GALNT18: variants seen among roughly 807,000 people sequenced by gnomAD.
GALNT18 encodes the protein GalNAc-transferase 18.
In GALNT18, 44 loss-of-function variants were observed where a neutral mutation model predicts 69.5. The observed-to-expected ratio is 0.63, with a 90% CI of 0.50 to 0.81. The LOEUF is 0.81. Among genes scored for constraint, GALNT18 ranks in the 40% least tolerant of loss-of-function variants. GALNT18 has a pLI of 0.00. For synonymous variants in GALNT18, 364 were observed against 318.2 expected (o/e 1.14, Z -1.53); for missense variants, 715 against 810.0 (o/e 0.88, Z 1.42).
At chr11:11,481,603 C>T (rs1012452441) in intron 1 of GALNT18, among the ~76,000 whole-genome samples, 11 of 152,158 alleles carry the variant, frequency 7.2e-5, no homozygotes, top group African/African-American at 2.7e-4. Context: ...GAGGGCAGGA[C>T]TGTGAGTTTC....
chr11:11,312,159 T>G (rs1251530685), intron 9 of GALNT18, among the ~76,000 whole-genome samples: 1 of 151,054 alleles, frequency 6.6e-6, no homozygotes, highest in Non-Finnish European at 1.5e-5. Context: ...GGTCTCACTG[T>G]GTTAGCCAGA....
In GALNT18 at chr11:11,293,205, G is replaced by T. The variant is rs769569442; in HGVS notation, c.1513-12C>A. 3 of 1,317,800 alleles carry T rather than the reference G, an allele frequency of 2.3e-6. No homozygotes were observed. In the South Asian group the frequency reaches 9.0e-5, roughly 39 times the overall value. 81.6% of individuals were successfully genotyped at this position (1,317,800 alleles called of 1,614,324 possible). A position where few individuals can be genotyped will look rare whatever the true frequency, so the allele number is the denominator to read the frequency against. ...GTGTAGTACACGTTCTGGGGGCGGA[G>T]GGAGGGAGAGAGTGTGGATAAATGC... On this transcript the variant is annotated splice_polypyrimidine_tract_variant and intron_variant, in intron 9 of 10. Transcript: ENST00000227756.
chr11:11,553,851 T>C lies in GALNT18; in HGVS notation c.235+67508A>G, dbSNP rs562002996. 9.7e-4 allele frequency among the ~76,000 whole-genome samples: 147 copies of C among 152,256 alleles called. 5 individuals are homozygous for C. In the South Asian group the frequency reaches 0.03, roughly 31 times the overall value. On this transcript the variant is annotated intron_variant, in intron 1 of 10. Coordinates refer to ENST00000227756, the MANE Select transcript of GALNT18 (RefSeq NM_198516.3). ...TGTCCCTGATTGCAAGTCCACAGTG[T>C]AGCTGAGAAATCCATTTAACTCTTA...
intron 1 of GALNT18, among the ~76,000 whole-genome samples, chr11:11,508,653 G>T (rs1857114258): frequency 6.6e-6 from 1 of 152,170 alleles, no homozygotes; most frequent in African/African-American, 2.4e-5. Context: ...GAAGACAGAG[G>T]CATGGTCTTC....
rs906338838 is a variant in GALNT18 at position 11,404,683 on chromosome 11, T to C, written c.596-25419A>G. Among the ~76,000 whole-genome samples, 4 of 152,084 alleles carry C rather than the reference T, an allele frequency of 2.6e-5. No homozygotes were observed. Among genetic ancestry groups the C allele is most frequent in the Non-Finnish European group, 5.9e-5 (4 of 68,020 alleles). On this transcript the variant is annotated intron_variant, in intron 3 of 10. Coordinates refer to ENST00000227756, the MANE Select transcript of GALNT18 (RefSeq NM_198516.3). The surrounding 1 kb of genome is among the most constrained non-coding windows in gnomAD (Gnocchi z 4.5). ...TCTCATTCAAATGGGACTCTCTCTGTCTCAACTCTCATTTCAACCTAACTC... is the reference window on the plus strand; with the variant it reads ...TCTCATTCAAATGGGACTCTCTCTGCCTCAACTCTCATTTCAACCTAACTC...
intron 1 of GALNT18, among the ~76,000 whole-genome samples, chr11:11,477,116 T>G (rs1177222046): frequency 2.6e-5 from 4 of 152,198 alleles, no homozygotes; most frequent in Admixed American, 2.0e-4. Flanking sequence ...CATCTGTGCC[T>G]GACTCATAGT....
At chr11:11,327,709 G>A (rs1019954342) in intron 8 of GALNT18, among the ~76,000 whole-genome samples, 1 of 152,218 alleles carries the variant, frequency 6.6e-6, no homozygotes, top group Non-Finnish European at 1.5e-5. Flanking sequence ...AGAGGAGGGG[G>A]CCAGGGTGGG....
In GALNT18 at chr11:11,377,053, C is replaced by T. The variant is rs1853778886; in HGVS notation, c.977+129G>A. 5.2e-6 allele frequency: 4 copies of T among 762,546 alleles called. No individual in the cohort carries two copies. In the South Asian group the frequency reaches 7.0e-5, roughly 13 times the overall value. 47.2% of individuals were successfully genotyped at this position (762,546 alleles called of 1,614,324 possible). On this transcript the variant is annotated intron_variant, in intron 5 of 10. Transcript: ENST00000227756. The surrounding 1 kb of genome is among the most constrained non-coding windows in gnomAD (Gnocchi z 4.6). ...AGTGACTGAAGATCAGACTGCAGTT[C>T]CTTTCGACCCTGCCCACCCCTGTCA...
chr11:11,597,293 C>CA (rs1372407344), intron 1 of GALNT18, among the ~76,000 whole-genome samples: 1 of 152,170 alleles, frequency 6.6e-6, no homozygotes, highest in African/African-American at 2.4e-5. Context: ...ATCAGGGTTA[C>CA]ACTGGCTTCA....
intron 1 of GALNT18, among the ~76,000 whole-genome samples, chr11:11,558,623 C>G (rs1028552587): frequency 6.6e-6 from 1 of 152,224 alleles, no homozygotes; most frequent in East Asian, 1.9e-4. Flanking sequence ...CCAGCCCAGG[C>G]TCAGAGTTTC....
intron 1 of GALNT18, among the ~76,000 whole-genome samples, chr11:11,478,916 G>A (rs758374190): frequency 2.5e-4 from 2 of 8,042 alleles, no homozygotes; most frequent in East Asian, 5.7e-3. Flanking sequence ...GCGGCATCTC[G>A]GCATCTCCCG....
chr11:11,450,439 C>T (rs1431680113), intron 1 of GALNT18, among the ~76,000 whole-genome samples: 1 of 152,170 alleles, frequency 6.6e-6, no homozygotes, highest in African/African-American at 2.4e-5. Context: ...CATAGGCTCC[C>T]CCTACCATGG....
At chr11:11,558,286 T>C (rs556418136) in intron 1 of GALNT18, among the ~76,000 whole-genome samples, 1 of 152,342 alleles carries the variant, frequency 6.6e-6, no homozygotes, top group South Asian at 2.1e-4. Flanking sequence ...ATTAAATCAA[T>C]GACAGGTCTT....
intron 9 of GALNT18, among the ~76,000 whole-genome samples, chr11:11,304,481 G>C (rs1305429248): frequency 6.6e-6 from 1 of 152,186 alleles, no homozygotes; most frequent in Non-Finnish European, 1.5e-5. Context: ...CTGCTTGTCT[G>C]CTATAAGCTG....
chr11:11,376,440 T>C (rs1853763459), intron 5 of GALNT18, among the ~76,000 whole-genome samples: 1 of 148,672 alleles, frequency 6.7e-6, no homozygotes, highest in Non-Finnish European at 1.5e-5. Flanking sequence ...TTTGGAGGAG[T>C]CCTGAACCTT....
rs951723727 is a variant in GALNT18, at chr11:11,377,339, G to A, written c.820C>T (p.Arg274Trp). The A allele has an allele frequency of 3.1e-6, 5 of 1,613,870 alleles. No homozygotes were observed. The highest frequency in any genetic ancestry group is 4.2e-6 in the Non-Finnish European group (5 of 1,180,008). Residue 274 changes from arginine to tryptophan, a missense_variant, in exon 5 of 11, where the codon CGG becomes TGG. Coordinates refer to ENST00000227756, the MANE Select transcript of GALNT18 (RefSeq NM_198516.3). The surrounding 1 kb of genome is among the most constrained non-coding windows in gnomAD (Gnocchi z 4.6). ...TTATCAAAGGATGGCGAGATGATCCGCTTCCGGTTCTCCTTGATGCGGGTG... is the reference window on the plus strand; with the variant it reads ...TTATCAAAGGATGGCGAGATGATCCACTTCCGGTTCTCCTTGATGCGGGTG... Reference protein sequence around the residue: ...VLTRIKENRKRIISPSFDNIK... With the variant: ...VLTRIKENRKWIISPSFDNIK...
intron 2 of GALNT18, among the ~76,000 whole-genome samples, chr11:11,433,383 G>A (rs1371027638): frequency 2.0e-5 from 3 of 152,210 alleles, no homozygotes; most frequent in Non-Finnish European, 4.4e-5. Context: ...AGAAGGACCA[G>A]GTCCAGTCTC....
At chr11:11,336,740 T>G (rs1200372399) in intron 7 of GALNT18, among the ~76,000 whole-genome samples, 1 of 152,188 alleles carries the variant, frequency 6.6e-6, no homozygotes, top group Non-Finnish European at 1.5e-5. Context: ...CCAACTGACC[T>G]TTACCAAGCA....
intron 9 of GALNT18, among the ~76,000 whole-genome samples, chr11:11,321,293 G>A (rs1315098168): frequency 1.3e-5 from 2 of 152,174 alleles, no homozygotes; most frequent in African/African-American, 4.8e-5. Flanking sequence ...TTTGGGTGGA[G>A]GTATGACCAA....
Sources: gnomAD v4.1 joint callset for allele counts (sites outside exome capture counted in the v4.1 genomes callset) on GRCh38, gnomAD v4.1.1 for gene constraint, Gnocchi (gnomAD v3.1) non-coding constraint, MANE v1.5 for transcripts, NCBI Gene and HGNC (gene_info 2026-07-23, HGNC 2026-07-21) for gene names.